BIN2: variants seen among roughly 807,000 people sequenced by gnomAD.
BIN2 encodes bridging integrator 2.
Under a neutral mutation model 67.9 loss-of-function variants are expected in BIN2, and 43 were observed. That is an observed-to-expected ratio of 0.63 (90% CI 0.50 to 0.82). The LOEUF is 0.82. BIN2 is among the 40% of genes least tolerant of loss of function. The pLI is 0.00. For synonymous variants in BIN2, 244 were observed against 246.8 expected (o/e 0.99, Z 0.11); for missense variants, 581 against 671.6 (o/e 0.87, Z 1.49).
chr12:51,311,933 A>G (rs1946007622), intron 2 of BIN2, among the ~76,000 whole-genome samples: 1 of 152,006 alleles, frequency 6.6e-6, no homozygotes, highest in Non-Finnish European at 1.5e-5. Flanking sequence ...TATCACGCCC[A>G]GCTAATTTTT....
chr12:51,315,208 C>A (rs796287372), intron 1 of BIN2, among the ~76,000 whole-genome samples: 180 of 151,392 alleles, frequency 1.2e-3, no homozygotes, highest in African/African-American at 4.2e-3. Flanking sequence ...CTCGCTCTGT[C>A]GCCCAGGCTG....
At position 51,287,387 on chromosome 12, in the gene BIN2, C is replaced by T. The variant is rs1475133899; in HGVS notation, c.1596+721G>A. Among the ~76,000 whole-genome samples, 6 of 151,446 alleles carry T rather than the reference C, an allele frequency of 4.0e-5. No individual in the cohort carries two copies. The East Asian group carries it at 9.7e-4, about 24-fold the overall frequency. The stretch of plus-strand genomic sequence containing the variant: ...CACTCTTGTTGCCCAGGCTGGAATG[C>T]GATGGCGAGATCTCGGCTCACTGCA... On this transcript the variant is annotated intron_variant, in intron 11 of 12. Transcript: ENST00000615107.
At chr12:51,294,312 T>C (rs2137367929) in intron 9 of BIN2, among the ~76,000 whole-genome samples, 1 of 152,304 alleles carries the variant, frequency 6.6e-6, no homozygotes, top group South Asian at 2.1e-4. Flanking sequence ...CTCACACCGG[T>C]AATCCCAGCA....
intron 1 of BIN2, among the ~76,000 whole-genome samples, chr12:51,317,405 C>T (rs1040528790): frequency 3.3e-5 from 5 of 152,086 alleles, no homozygotes; most frequent in South Asian, 2.1e-4. Context: ...CAGTGGCTCA[C>T]GCCTATAATC....
chr12:51,297,153 C>T lies in BIN2; in HGVS notation c.614G>A (p.Cys205Tyr). ...AATGTTTTGGAAGATGGTCACATAG[C>T]AGCCAATACGACTATTAGGAAGCAA... is the stretch of plus-strand genomic sequence containing the variant. Reference protein sequence around the residue: ...LPILYNSRIGCYVTIFQNISN... With the variant: ...LPILYNSRIGYYVTIFQNISN... The change falls in exon 8 of 13, where the codon TGC (cysteine) becomes TAC (tyrosine). Residue 205 changes from cysteine to tyrosine, a missense_variant. By Grantham distance (194) the Cys-to-Tyr change is radical. Transcript: ENST00000615107. The T allele has an allele frequency of 6.2e-7, 1 of 1,613,910 alleles. No individual in the cohort carries two copies. The highest frequency in any genetic ancestry group is 8.5e-7 in the Non-Finnish European group (1 of 1,179,840).
At chr12:51,315,047 G>A (rs1946086098) in intron 1 of BIN2, among the ~76,000 whole-genome samples, 1 of 152,024 alleles carries the variant, frequency 6.6e-6, no homozygotes, top group South Asian at 2.1e-4. Context: ...GTAGAGACAG[G>A]GTCTCACTAT....
intron 1 of BIN2, among the ~76,000 whole-genome samples, chr12:51,319,918 G>A (rs1946222680): frequency 1.3e-5 from 2 of 151,950 alleles, no homozygotes; most frequent in African/African-American, 2.4e-5. Context: ...TTTTTTCTTA[G>A]GTGCAGTAAA....
intron 2 of BIN2, among the ~76,000 whole-genome samples, chr12:51,304,933 GCA>G (rs1489571047): frequency 1.3e-5 from 2 of 151,972 alleles, no homozygotes; most frequent in Non-Finnish European, 2.9e-5. Context: ...AGGAGAATGG[GCA>G]TGAACCCAGG....
At position 51,284,710 on chromosome 12, in the gene BIN2, T is replaced by C. The variant is rs1945194373; in HGVS notation, c.1668+6A>G. On this transcript the variant is annotated splice_donor_region_variant and intron_variant, in intron 12 of 12. Transcript: ENST00000615107. ...CCCAATCTATTCTCTGTATATCTGG[T>C]CTTACCTCTTCTTGAGGTTCAGGTG... is the stretch of plus-strand genomic sequence containing the variant. The C allele has an allele frequency of 2.5e-6, 4 of 1,597,888 alleles. No homozygotes were observed. In the East Asian group the frequency reaches 8.9e-5, roughly 36 times the overall value.
At chr12:51,324,345 C>G, upstream of BIN2, 1 of 1,315,446 alleles carries the variant, frequency 7.6e-7, no homozygotes, top group Non-Finnish European at 1.0e-6. Flanking sequence ...GGCCAGCTTC[C>G]GAGCTCCAAC....
chr12:51,324,639 ACCCGAGC>A, upstream of BIN2: 1 of 1,107,602 alleles, frequency 9.0e-7, no homozygotes. Flanking sequence ...CAGGCAGGAC[ACCCGAGC>A]CGGGCTTGAA....
chr12:51,289,253 C>T (rs1199745046), intron 10 of BIN2, among the ~76,000 whole-genome samples: 1 of 152,148 alleles, frequency 6.6e-6, no homozygotes, highest in African/African-American at 2.4e-5. Context: ...GTTTCTGCCT[C>T]TGCCCTCTGG....
chr12:51,302,442 C>A, intron 4 of BIN2: 1 of 536,444 alleles, frequency 1.9e-6, no homozygotes, highest in Non-Finnish European at 3.3e-6. Context: ...GGAGGTAAAA[C>A]TTCCCATAAT....
intron 2 of BIN2, among the ~76,000 whole-genome samples, chr12:51,306,594 T>A (rs1473308696): frequency 6.6e-6 from 1 of 152,172 alleles, no homozygotes; most frequent in Non-Finnish European, 1.5e-5. Context: ...GCCATTGCAC[T>A]GCAGCCTGGG....
At chr12:51,324,571 C>A, upstream of BIN2, 1 of 1,500,882 alleles carries the variant, frequency 6.7e-7, no homozygotes, top group Non-Finnish European at 8.8e-7. Flanking sequence ...ATGTACACTG[C>A]GTTTCTTGCT....
intron 7 of BIN2, chr12:51,297,403 T>TA (rs34375896): frequency 0.3 from 66,543 of 223,352 alleles, 7,848 homozygotes; most frequent in South Asian, 0.39. Context: ...CCGTCTCTAC[T>TA]AAAAAAAAAA....
At chr12:51,313,248 C>CAGGCAGGG (rs1266286647) in intron 2 of BIN2, among the ~76,000 whole-genome samples, 2 of 143,974 alleles carry the variant, frequency 1.4e-5, no homozygotes, top group Non-Finnish European at 3.0e-5. Flanking sequence ...GGCAGGCAGG[C>CAGGCAGGG]AGGGAGGGAG....
intron 1 of BIN2, among the ~76,000 whole-genome samples, chr12:51,321,222 A>G (rs891650220): frequency 6.6e-6 from 1 of 152,186 alleles, no homozygotes; most frequent in Non-Finnish European, 1.5e-5. Context: ...GAGTGAGGTT[A>G]GGATTCAGAG....
chr12:51,292,078 G>A lies in BIN2; in HGVS notation c.1028C>T (p.Pro343Leu), dbSNP rs188987098. The change falls in exon 10 of 13, where the codon CCC becomes CTC. Residue 343 changes from proline to leucine, a missense_variant. Coordinates refer to ENST00000615107, the MANE Select transcript of BIN2 (RefSeq NM_016293.4). ...GGTAGGAGAGGGCTGGGCCTGGGCG[G>A]GGCCATTGCAGGCTGGTAGAGGCTC... The part of the protein sequence containing the change: ...EDEPLPACNG[P>L]AQAQPSPTTE... 2 of 1,614,180 alleles carry A rather than the reference G, an allele frequency of 1.2e-6. No individual in the cohort carries two copies. Among genetic ancestry groups the A allele is most frequent in the East Asian group, 2.2e-5 (1 of 44,894 alleles).
Sources: gnomAD v4.1 joint callset for allele counts (sites outside exome capture counted in the v4.1 genomes callset) on GRCh38, gnomAD v4.1.1 for gene constraint, MANE v1.5 for transcripts, NCBI Gene and HGNC (gene_info 2026-07-23, HGNC 2026-07-21) for gene names.